ACSM1: variants seen among roughly 807,000 people sequenced by gnomAD.
The protein encoded by ACSM1 is acyl-CoA synthetase medium chain family member 1, also known as acyl-coenzyme A synthetase ACSM1, mitochondrial.
In ACSM1, 79 loss-of-function variants were observed where a neutral mutation model predicts 75.8. The observed-to-expected ratio is 1.04, with a 90% CI of 0.87 to 1.26. The LOEUF is 1.26. ACSM1 is among the 50% of genes most tolerant of loss of function. ACSM1 has a pLI of 0.00. For missense variants in ACSM1, 676 were observed against 720.1 expected (o/e 0.94, Z 0.70); for synonymous variants, 279 against 265.8 (o/e 1.05, Z -0.48).
At chr16:20,639,494 G>C (rs933046325) in intron 8 of ACSM1, among the ~76,000 whole-genome samples, 1 of 152,186 alleles carries the variant, frequency 6.6e-6, no homozygotes, top group South Asian at 2.1e-4. Flanking sequence ...TTGCTGGAGA[G>C]AGTCTCCTAT....
chr16:20,643,330 C>T (rs939368769), intron 7 of ACSM1, among the ~76,000 whole-genome samples: 6 of 152,248 alleles, frequency 3.9e-5, no homozygotes, highest in African/African-American at 1.4e-4. Flanking sequence ...TCCGATGGTG[C>T]TCACCACTTG....
chr16:20,662,474 G>A (rs1252516465), intron 6 of ACSM1, among the ~76,000 whole-genome samples: 1 of 152,120 alleles, frequency 6.6e-6, no homozygotes, highest in Non-Finnish European at 1.5e-5. Flanking sequence ...AAAATGTTTG[G>A]TACTCATGAT....
chr16:20,630,241 G>T (rs775853117), intron 10 of ACSM1, among the ~76,000 whole-genome samples: 1 of 150,910 alleles, frequency 6.6e-6, no homozygotes, highest in Admixed American at 6.6e-5. Context: ...GCATACCACC[G>T]TGCCCGGCTA....
intron 7 of ACSM1, among the ~76,000 whole-genome samples, chr16:20,653,627 C>G (rs1364931091): frequency 6.6e-6 from 1 of 152,120 alleles, no homozygotes; most frequent in Non-Finnish European, 1.5e-5. Context: ...AACAGAGAGC[C>G]AAATCATGAG....
In ACSM1 at chr16:20,688,825, TAA is replaced by T. The variant is rs562389355; in HGVS notation, c.192+2170_192+2171del. 3.4e-3 allele frequency among the ~76,000 whole-genome samples: 517 copies of T among 152,042 alleles called. 2 individuals carry two copies. The highest frequency in any genetic ancestry group is 0.012 in the African/African-American group (510 of 41,542). Reference sequence around the variant, plus strand: ...GGAGAGGAACTCAAATATGAAAATGTAAAGTTCTCTTGTAAATATAAATTCAT... The same window carrying T: ...GGAGAGGAACTCAAATATGAAAATGTAGTTCTCTTGTAAATATAAATTCAT... On this transcript the variant is annotated intron_variant, in intron 2 of 13. Transcript: ENST00000520010.
At chr16:20,624,448 G>A (rs1008238993) in intron 12 of ACSM1, among the ~76,000 whole-genome samples, 7 of 152,098 alleles carry the variant, frequency 4.6e-5, no homozygotes, top group Non-Finnish European at 7.4e-5. Flanking sequence ...GGACAATAAA[G>A]CTTCCATTCT....
chr16:20,685,825 A>AAT (rs2079540200), intron 2 of ACSM1, among the ~76,000 whole-genome samples: 1 of 119,026 alleles, frequency 8.4e-6, no homozygotes, highest in Non-Finnish European at 1.9e-5. Flanking sequence ...GTCTCAAAAA[A>AAT]AAAAAACAAA....
At chr16:20,626,737 T>C (rs1487710525) in intron 11 of ACSM1, among the ~76,000 whole-genome samples, 1 of 151,792 alleles carries the variant, frequency 6.6e-6, no homozygotes, top group African/African-American at 2.4e-5. Context: ...TTTATAATAA[T>C]AGATTTATTA....
intron 4 of ACSM1, among the ~76,000 whole-genome samples, chr16:20,673,735 G>A (rs1487173733): frequency 6.6e-6 from 1 of 152,084 alleles, no homozygotes; most frequent in Non-Finnish European, 1.5e-5. Context: ...GGGGTCTTAA[G>A]TTTTACCTTA....
chr16:20,627,899 T>C (rs2636952), intron 10 of ACSM1, among the ~76,000 whole-genome samples: 35 of 115,182 alleles, frequency 3.0e-4, no homozygotes, highest in African/African-American at 4.5e-4. Context: ...TATATATATA[T>C]ATATATATAT....
chr16:20,669,991 C>G lies in ACSM1; in HGVS notation c.753-5G>C. On this transcript the variant is annotated splice_region_variant and splice_polypyrimidine_tract_variant and intron_variant, in intron 5 of 13. Coordinates refer to ENST00000520010, the MANE Select transcript of ACSM1 (RefSeq NM_001318890.3). The stretch of plus-strand genomic sequence containing the variant: ...TTCAGGCTCCGTAATTTCCTACTAA[C>G]TCCAAAATGCAGTGGCCTCAGCTGT... The G allele has an allele frequency of 6.2e-7, 1 of 1,613,488 alleles. No homozygotes were observed. Among genetic ancestry groups the G allele is most frequent in the Middle Eastern group, 1.7e-4 (1 of 6,040 alleles).
chr16:20,673,314 C>T (rs902935118), intron 4 of ACSM1, among the ~76,000 whole-genome samples: 19 of 151,966 alleles, frequency 1.3e-4, no homozygotes, highest in South Asian at 2.1e-4. Flanking sequence ...AATCCCAACA[C>T]GAGAGGAAAC....
chr16:20,688,639 A>G (rs1444858749), intron 2 of ACSM1, among the ~76,000 whole-genome samples: 1 of 151,930 alleles, frequency 6.6e-6, no homozygotes, highest in Non-Finnish European at 1.5e-5. Context: ...GGCTTAAAGA[A>G]AAAAAAAGCC....
intron 4 of ACSM1, chr16:20,680,614 G>A (rs796726038): frequency 1.3e-5 from 2 of 152,218 alleles, no homozygotes; most frequent in African/African-American, 2.4e-5. Flanking sequence ...GTACCGTATC[G>A]CCCGTTGGGG....
At chr16:20,683,273 A>G (rs990315269) in intron 3 of ACSM1, among the ~76,000 whole-genome samples, 2 of 152,068 alleles carry the variant, frequency 1.3e-5, no homozygotes, top group African/African-American at 4.8e-5. Context: ...GTCCACCACC[A>G]TGCCCAGCTA....
intron 3 of ACSM1, among the ~76,000 whole-genome samples, chr16:20,684,882 T>C (rs1388776533): frequency 6.6e-6 from 1 of 152,172 alleles, no homozygotes; most frequent in African/African-American, 2.4e-5. Flanking sequence ...AGACAAAGTT[T>C]GGCACTGCAC....
At chr16:20,688,490 C>G (rs1002382759) in intron 2 of ACSM1, among the ~76,000 whole-genome samples, 5 of 151,906 alleles carry the variant, frequency 3.3e-5, no homozygotes, top group African/African-American at 1.2e-4. Context: ...CAAGGAGGAC[C>G]AATATCAAGA....
chr16:20,653,203 G>T (rs2018747779), intron 7 of ACSM1, among the ~76,000 whole-genome samples: 1 of 152,016 alleles, frequency 6.6e-6, no homozygotes, highest in South Asian at 2.1e-4. Context: ...AAATTCAACA[G>T]CCCCTCATGT....
At chr16:20,627,390 T>A in intron 10 of ACSM1, 74 bp from the exon 11 acceptor site, 1 of 1,463,404 alleles carries the variant, frequency 6.8e-7, no homozygotes, top group Non-Finnish European at 9.0e-7. Flanking sequence ...TGGGTTCCAA[T>A]CTGGGTTTGA....
Sources: allele counts gnomAD v4.1 joint callset (sites outside exome capture counted in the v4.1 genomes callset), GRCh38; gene constraint gnomAD v4.1.1; transcripts MANE v1.5; gene names NCBI Gene and HGNC (gene_info 2026-07-23, HGNC 2026-07-21).